Variants in NPAS3 observed in about 807,000 individuals in gnomAD.
The protein encoded by NPAS3 is neuronal PAS domain protein 3.
A neutral mutation model predicts 73.1 loss-of-function variants in NPAS3; 14 were observed. The ratio of observed to expected loss-of-function variants is 0.19; its 90% CI spans 0.13 to 0.30. The LOEUF (loss-of-function observed/expected upper bound fraction) is 0.30, where lower values mean the gene tolerates loss of function less well. Among genes scored for constraint, NPAS3 ranks in the 10% least tolerant of loss-of-function variants. The probability of loss-of-function intolerance (pLI) is 1.00; values close to 1 mark genes in which losing one functional copy is unlikely to be tolerated. For synonymous variants in NPAS3, 620 were observed against 541.5 expected (o/e 1.14, Z -2.01); for missense variants, 1,096 against 1,250.0 (o/e 0.88, Z 1.86).
At chr14:33,726,537 G>T (rs573508439) in intron 6 of NPAS3, among the ~76,000 whole-genome samples, 2 of 152,080 alleles carry the variant, frequency 1.3e-5, no homozygotes, top group Non-Finnish European at 2.9e-5. Context: ...CCTCTGAGAC[G>T]CCACCATGTC....
At chr14:33,595,300 C>T (rs943467231) in intron 5 of NPAS3, among the ~76,000 whole-genome samples, 2 of 151,688 alleles carry the variant, frequency 1.3e-5, no homozygotes, top group Non-Finnish European at 2.9e-5. Context: ...TTGTGGCAAG[C>T]GGCCAAAAAT....
intron 5 of NPAS3, among the ~76,000 whole-genome samples, chr14:33,597,206 T>A (rs566404206): frequency 2.0e-5 from 3 of 152,316 alleles, no homozygotes; most frequent in Admixed American, 2.0e-4. Context: ...AGATTTCTCT[T>A]TTGCACTTTA....
chr14:33,642,824 C>T (rs908011860), intron 5 of NPAS3, among the ~76,000 whole-genome samples: 2 of 152,046 alleles, frequency 1.3e-5, no homozygotes, highest in African/African-American at 4.8e-5. Flanking sequence ...TCCAAATGGC[C>T]GGGATGGATG....
At chr14:33,247,513 G>A (rs1163565943) in intron 3 of NPAS3, among the ~76,000 whole-genome samples, 2 of 152,162 alleles carry the variant, frequency 1.3e-5, no homozygotes, top group African/African-American at 4.8e-5. Context: ...AGCCCTTTAT[G>A]ATCCTGGCGG....
At chr14:33,360,659 A>C (rs1406752286) in intron 3 of NPAS3, among the ~76,000 whole-genome samples, 1 of 152,194 alleles carries the variant, frequency 6.6e-6, no homozygotes, top group East Asian at 1.9e-4. Context: ...TCTTACAATC[A>C]TTGTTCTTCT....
At chr14:32,976,590 A>G (rs981985252) in intron 1 of NPAS3, among the ~76,000 whole-genome samples, 3 of 152,170 alleles carry the variant, frequency 2.0e-5, no homozygotes, top group African/African-American at 7.2e-5. Flanking sequence ...ACGATTTACA[A>G]GGCCAAAATC....
chr14:33,205,901 T>G (rs1487153104), intron 2 of NPAS3, among the ~76,000 whole-genome samples: 1 of 152,198 alleles, frequency 6.6e-6, no homozygotes, highest in African/African-American at 2.4e-5. Flanking sequence ...AAATCACACT[T>G]AAGGAAAATT....
At chr14:33,697,807 A>C (rs1334204962) in intron 6 of NPAS3, among the ~76,000 whole-genome samples, 1 of 152,210 alleles carries the variant, frequency 6.6e-6, no homozygotes, top group Non-Finnish European at 1.5e-5. Flanking sequence ...GTGAGATTTT[A>C]TTAATAGATT....
intron 3 of NPAS3, among the ~76,000 whole-genome samples, chr14:33,275,509 G>C (rs1383086800): frequency 2.0e-5 from 3 of 152,146 alleles, no homozygotes; most frequent in African/African-American, 7.2e-5. Context: ...CCTGTAGAGA[G>C]GGAATAGTGC....
chr14:33,137,572 T>C (rs866171385), intron 2 of NPAS3, among the ~76,000 whole-genome samples: 1 of 152,164 alleles, frequency 6.6e-6, no homozygotes, highest in Non-Finnish European at 1.5e-5. Context: ...CATATACACA[T>C]CAACCAGATT....
intron 7 of NPAS3, among the ~76,000 whole-genome samples, chr14:33,742,323 T>C (rs2061675156): frequency 6.6e-6 from 1 of 152,144 alleles, no homozygotes; most frequent in South Asian, 2.1e-4. Context: ...GGTTTCCAGA[T>C]ACAGGCATAT....
At chr14:33,799,022 C>G (rs10138126) in intron 11 of NPAS3, among the ~76,000 whole-genome samples, 22,527 of 150,160 alleles carry the variant, frequency 0.15, 2,008 homozygotes, top group African/African-American at 0.23. Context: ...GTGGGCACCT[C>G]TGGTCTTAGC....
At chr14:33,257,387 T>TA (rs1037309677) in intron 3 of NPAS3, among the ~76,000 whole-genome samples, 14 of 152,160 alleles carry the variant, frequency 9.2e-5, no homozygotes, top group African/African-American at 3.4e-4. Context: ...CCCTCTTTGG[T>TA]AATTTCCGTT....
At chr14:33,594,876 G>A (rs1445309413) in intron 5 of NPAS3, among the ~76,000 whole-genome samples, 2 of 152,134 alleles carry the variant, frequency 1.3e-5, no homozygotes, top group African/African-American at 4.8e-5. Flanking sequence ...CATGTAAAAT[G>A]TAGCTGGTGT....
chr14:33,735,530 A>T (rs537459055), intron 7 of NPAS3, among the ~76,000 whole-genome samples, 198 bp downstream of exon 7: 55 of 152,250 alleles, frequency 3.6e-4, no homozygotes, highest in African/African-American at 1.3e-3. Flanking sequence ...TTGCTGGTGC[A>T]CTAAAAACCC....
intron 3 of NPAS3, among the ~76,000 whole-genome samples, chr14:33,353,097 C>G (rs2045153661): frequency 6.6e-6 from 1 of 151,358 alleles, no homozygotes; most frequent in South Asian, 2.1e-4. Context: ...AAAAAAATCT[C>G]TTTCTCACTT....
intron 2 of NPAS3, among the ~76,000 whole-genome samples, chr14:33,130,042 A>G (rs2043576155): frequency 6.6e-6 from 1 of 152,178 alleles, no homozygotes; most frequent in East Asian, 1.9e-4. Context: ...CCTAAATGAC[A>G]GAAGTGCTAC....
chr14:33,427,893 A>G (rs149306864), intron 4 of NPAS3, among the ~76,000 whole-genome samples: 2 of 152,036 alleles, frequency 1.3e-5, no homozygotes, highest in African/African-American at 2.4e-5. Context: ...GGTAGTGGAG[A>G]CCATCATTTC....
intron 2 of NPAS3, among the ~76,000 whole-genome samples, chr14:33,098,784 TA>T (rs1461741308): frequency 6.6e-6 from 1 of 152,228 alleles, no homozygotes. Flanking sequence ...AATTTAGAAA[TA>T]AATCAGTGAA....
Sources: allele counts gnomAD v4.1 joint callset (sites outside exome capture counted in the v4.1 genomes callset), GRCh38; gene constraint gnomAD v4.1.1; transcripts MANE v1.5; gene names NCBI Gene and HGNC (gene_info 2026-07-23, HGNC 2026-07-21).